DNM3: variants seen among roughly 807,000 people sequenced by gnomAD.
DNM3 encodes dynamin 3, also known as dynamin-3.
DNM3 carries 47 observed loss-of-function variants against 101.6 expected under a neutral mutation model. The observed-to-expected ratio is 0.46, with a 90% confidence interval of 0.37 to 0.59. The LOEUF (loss-of-function observed/expected upper bound fraction) is 0.59. Ranked by LOEUF, DNM3 falls within the 20% of genes least tolerant of loss-of-function variation. DNM3 has a pLI of 0.00. For synonymous variants in DNM3, 385 were observed against 387.9 expected, an observed-to-expected ratio of 0.99 and a Z score of 0.09; for missense variants, 849 against 1,085.7, an observed-to-expected ratio of 0.78 and a Z score of 3.06.
At chr1:172,103,208 C>A (rs1262500976) in intron 13 of DNM3, among the ~76,000 whole-genome samples, 4 of 151,786 alleles carry the variant, frequency 2.6e-5, no homozygotes, top group African/African-American at 7.3e-5. Context: ...GGGTACACAC[C>A]CACCCACACA....
chr1:172,257,697 A>G (rs2062462431), intron 15 of DNM3, among the ~76,000 whole-genome samples: 1 of 152,124 alleles, frequency 6.6e-6, no homozygotes, highest in Non-Finnish European at 1.5e-5. Context: ...AGTGTATATC[A>G]TTTATGTGTT....
At chr1:171,913,668 A>G (rs911650479) in intron 1 of DNM3, among the ~76,000 whole-genome samples, 2 of 151,732 alleles carry the variant, frequency 1.3e-5, no homozygotes, top group African/African-American at 4.8e-5. Context: ...TATTTGTGTG[A>G]TTTGTCTGTC....
intron 2 of DNM3, among the ~76,000 whole-genome samples, chr1:171,958,547 C>A (rs1476328159): frequency 1.3e-5 from 2 of 152,100 alleles, no homozygotes; most frequent in African/African-American, 4.8e-5. Flanking sequence ...GTGGGATACA[C>A]AAGGAGCTCG....
intron 13 of DNM3, among the ~76,000 whole-genome samples, chr1:172,130,754 G>A (rs76513766): frequency 0.038 from 5,715 of 152,190 alleles, 130 homozygotes; most frequent in Middle Eastern, 0.075. Context: ...AATCCTAATG[G>A]GCTGCAAACT....
chr1:172,280,996 A>G (rs1207510388), intron 15 of DNM3, among the ~76,000 whole-genome samples: 1 of 152,162 alleles, frequency 6.6e-6, no homozygotes, highest in Admixed American at 6.6e-5. Flanking sequence ...TGTTCAAGGA[A>G]CAGCAAGTTT....
At chr1:172,184,528 G>A (rs2059456899) in intron 14 of DNM3, among the ~76,000 whole-genome samples, 1 of 152,064 alleles carries the variant, frequency 6.6e-6, no homozygotes, top group African/African-American at 2.4e-5. Flanking sequence ...GCACAATCTG[G>A]AGGGTATGGT....
intron 13 of DNM3, among the ~76,000 whole-genome samples, chr1:172,120,057 G>C (rs2056208532): frequency 6.6e-6 from 1 of 152,118 alleles, no homozygotes; most frequent in Admixed American, 6.6e-5. Flanking sequence ...CACCAACCCA[G>C]AGCTAGAAGA....
intron 4 of DNM3, among the ~76,000 whole-genome samples, chr1:172,019,764 A>G (rs2047705744): frequency 6.6e-6 from 1 of 152,038 alleles, no homozygotes; most frequent in African/African-American, 2.4e-5. Flanking sequence ...AATGAACCCA[A>G]TCAAAGGCAT....
intron 1 of DNM3, among the ~76,000 whole-genome samples, chr1:171,887,931 G>T (rs1436052193): frequency 6.6e-6 from 1 of 151,804 alleles, no homozygotes; most frequent in African/African-American, 2.4e-5. Flanking sequence ...AATCCTTATA[G>T]GTGAAAATCT....
At chr1:171,981,056 C>T (rs1438899885) in intron 2 of DNM3, among the ~76,000 whole-genome samples, 3 of 152,132 alleles carry the variant, frequency 2.0e-5, no homozygotes, top group East Asian at 1.9e-4. Flanking sequence ...CGTGAGCCAC[C>T]GTGCCCGGCC....
chr1:171,920,355 C>A (rs571200670), intron 1 of DNM3, among the ~76,000 whole-genome samples: 2 of 152,270 alleles, frequency 1.3e-5, no homozygotes, highest in Admixed American at 1.3e-4. Context: ...GCCATTATTG[C>A]CCACTGAATT....
At chr1:172,023,744 T>C (rs776724270) in intron 4 of DNM3, among the ~76,000 whole-genome samples, 2 of 152,214 alleles carry the variant, frequency 1.3e-5, no homozygotes, top group Non-Finnish European at 2.9e-5. Flanking sequence ...TTGAATAGGA[T>C]CTCTCCAACC....
At chr1:171,957,684 T>C (rs2042954017) in intron 2 of DNM3, among the ~76,000 whole-genome samples, 1 of 152,182 alleles carries the variant, frequency 6.6e-6, no homozygotes, top group Non-Finnish European at 1.5e-5. Flanking sequence ...CACAGATCTG[T>C]AGGACAGGGA....
intron 15 of DNM3, among the ~76,000 whole-genome samples, chr1:172,257,692 A>G (rs1216593274): frequency 1.3e-5 from 2 of 152,116 alleles, no homozygotes; most frequent in African/African-American, 2.4e-5. Context: ...TCACAAGTGT[A>G]TATCATTTAT....
chr1:172,357,104 A>G (rs2067491404), intron 17 of DNM3, among the ~76,000 whole-genome samples: 1 of 152,120 alleles, frequency 6.6e-6, no homozygotes, highest in Non-Finnish European at 1.5e-5. Flanking sequence ...GAGAAGGGAA[A>G]GCTGTTCCTC....
At chr1:172,328,496 C>G (rs2066035752) in intron 17 of DNM3, among the ~76,000 whole-genome samples, 2 of 152,090 alleles carry the variant, frequency 1.3e-5, no homozygotes. Flanking sequence ...GAGCTGGAGG[C>G]CGTTATTCTA....
intron 12 of DNM3, among the ~76,000 whole-genome samples, chr1:172,091,992 G>A (rs1235162503): frequency 6.6e-6 from 1 of 152,186 alleles, no homozygotes; most frequent in Non-Finnish European, 1.5e-5. Context: ...TGGGTTGTGA[G>A]AGAAAGAGGA....
intron 13 of DNM3, among the ~76,000 whole-genome samples, chr1:172,101,361 C>G (rs1295704558): frequency 6.6e-6 from 1 of 152,048 alleles, no homozygotes; most frequent in Non-Finnish European, 1.5e-5. Flanking sequence ...ATTCTACTGA[C>G]TATGTTAGGT....
At chr1:172,365,927 A>T (rs1438959183) in intron 17 of DNM3, among the ~76,000 whole-genome samples, 2 of 151,970 alleles carry the variant, frequency 1.3e-5, no homozygotes, top group African/African-American at 2.4e-5. Flanking sequence ...CCTTCAATAG[A>T]TATACATTCA....
Sources: gnomAD v4.1 joint callset for allele counts (sites outside exome capture counted in the v4.1 genomes callset) on GRCh38, gnomAD v4.1.1 for gene constraint, MANE v1.5 for transcripts, NCBI Gene and HGNC (gene_info 2026-07-23, HGNC 2026-07-21) for gene names.